The following LRRIQ4 variants were observed in gnomAD, a reference collection of about 807,000 sequenced individuals.
The protein encoded by LRRIQ4 is leucine rich repeats and IQ motif containing 4, also known as leucine-rich repeat and IQ domain-containing protein 4.
A neutral mutation model predicts 40.1 loss-of-function variants in LRRIQ4; 21 were observed. That is an observed-to-expected ratio of 0.52 (90% CI 0.37 to 0.75). The LOEUF is 0.75. LRRIQ4 is among the 30% of genes least tolerant of loss of function. LRRIQ4 has a pLI of 0.00. For missense variants in LRRIQ4, 655 were observed against 660.0 expected (o/e 0.99, Z 0.08); for synonymous variants, 277 against 277.1 (o/e 1.00, Z 0.00).
chr3:169,829,856 T>C (rs556429867), intron 3 of LRRIQ4, among the ~76,000 whole-genome samples: 1 of 152,326 alleles, frequency 6.6e-6, no homozygotes, highest in South Asian at 2.1e-4. Context: ...ACCCCAGTCA[T>C]GCAATGCCAT....
In LRRIQ4 at chr3:169,824,117, A is replaced by G. The variant is rs73176453; in HGVS notation, c.1020+1176A>G. 9.1e-3 allele frequency among the ~76,000 whole-genome samples: 1,385 copies of G among 152,316 alleles called. 36 individuals carry two copies. Among genetic ancestry groups the G allele is most frequent in the Admixed American group, 0.048 (742 of 15,300 alleles). On this transcript the variant is annotated intron_variant, in intron 2 of 5. Transcript: ENST00000340806. ...ACATACACACATATACACACAACACATATTTTATGGATATTTTTATATATA... is the reference window on the plus strand; with the variant it reads ...ACATACACACATATACACACAACACGTATTTTATGGATATTTTTATATATA...
intron 5 of LRRIQ4, among the ~76,000 whole-genome samples, chr3:169,833,835 C>T (rs1037786730): frequency 6.6e-5 from 10 of 152,156 alleles, no homozygotes; most frequent in Non-Finnish European, 1.3e-4. Context: ...ATTGGCAATC[C>T]TCCATTACAC....
chr3:169,826,798 G>A lies in LRRIQ4; in HGVS notation c.1021-1961G>A, dbSNP rs892178953. Among the ~76,000 whole-genome samples, 4 of 152,304 alleles carry A rather than the reference G, an allele frequency of 2.6e-5. No homozygotes were observed. The South Asian group carries it at 8.3e-4, about 32-fold the overall frequency. ...GATGAAGAATTTTGAAATAGCCAAA[G>A]AGGAAAGCTTAAACATCAGTTTCTC... On this transcript the variant is annotated intron_variant, in intron 2 of 5. Transcript: ENST00000340806.
intron 1 of LRRIQ4, 114 bp from the exon 2 acceptor site, chr3:169,821,777 A>G: frequency 3.7e-6 from 2 of 536,172 alleles, no homozygotes; most frequent in Non-Finnish European, 6.0e-6. Flanking sequence ...ATGTTCTGTC[A>G]TAATTTCAAG....
intron 5 of LRRIQ4, 95 bp from the exon 6 acceptor site, chr3:169,837,384 G>A (rs1273881390): frequency 7.5e-6 from 10 of 1,335,890 alleles, no homozygotes; most frequent in South Asian, 2.9e-5. Context: ...TTCTCTCCAC[G>A]TCTTCAAGAC....
chr3:169,829,337 G>T (rs1194786058), intron 3 of LRRIQ4, among the ~76,000 whole-genome samples: 1 of 152,192 alleles, frequency 6.6e-6, no homozygotes, highest in African/African-American at 2.4e-5. Flanking sequence ...GTAAGGGGAA[G>T]TGTGACCTCT....
In LRRIQ4 at chr3:169,833,181, A is replaced by G. The variant is rs971994292; in HGVS notation, c.1528A>G (p.Lys510Glu). 8 of 1,611,602 alleles carry G rather than the reference A, an allele frequency of 5.0e-6. No individual in the cohort carries two copies. Among genetic ancestry groups the G allele is most frequent in the Non-Finnish European group, 6.8e-6 (8 of 1,178,786 alleles). ...ENRNRNIMAT[K>E]IQAWWRGTMV... ...CAGAAACAGGAATATAATGGCAACA[A>G]AGGTAAAATCAGCCCAGATTCTTGA... The change falls in exon 5 of 6, where the codon AAG (lysine) becomes GAG (glutamate). Residue 510 changes from lysine to glutamate, a missense_variant and splice_region_variant. Physicochemically the swap from Lys to Glu is moderately conservative, Grantham distance 56 (BLOSUM62 1). Coordinates refer to ENST00000340806, the MANE Select transcript of LRRIQ4 (RefSeq NM_001080460.3).
rs149888477 is a variant in LRRIQ4 at position 169,835,364 on chromosome 3, C to CTGTGTGTGTGTGTGTGTG, written c.1531-2101_1531-2084dup. On this transcript the variant is annotated intron_variant, in intron 5 of 5. Transcript: ENST00000340806. ...CACTTGTACTTTGAATTGTCTTTTT[C>CTGTGTGTGTGTGTGTGTG]TGTGTGTGTGTGTGTGTGTGTGTGT... Among the ~76,000 whole-genome samples, 72 of 146,504 alleles carry CTGTGTGTGTGTGTGTGTG rather than the reference C, an allele frequency of 4.9e-4. No homozygotes were observed. In the Middle Eastern group the frequency reaches 0.011, roughly 21 times the overall value.
chr3:169,822,965 C>A, intron 2 of LRRIQ4, 24 bp downstream of exon 2: 1 of 1,491,440 alleles, frequency 6.7e-7, no homozygotes, highest in South Asian at 1.4e-5. Context: ...TTCTGGCTGT[C>A]ACTATGCTCT....
At chr3:169,830,410 TG>T in intron 3 of LRRIQ4, 81 bp from the exon 4 acceptor site, 6 of 117,240 alleles carry the variant, frequency 5.1e-5, no homozygotes, top group East Asian at 3.9e-4. Flanking sequence ...AAAAAAAAAA[TG>T]CATGAGCACC....
At chr3:169,832,920 G>A in intron 4 of LRRIQ4, 67 bp from the exon 5 acceptor site, 1 of 1,386,192 alleles carries the variant, frequency 7.2e-7, no homozygotes, top group Non-Finnish European at 1.0e-6. Context: ...TATGTGGACA[G>A]GATTAGGTGA....
Position 169,829,595 on chromosome 3 carries a change from G to A in LRRIQ4, c.1194+663G>A, listed in dbSNP as rs1024136296. On this transcript the variant is annotated intron_variant, in intron 3 of 5. Coordinates refer to ENST00000340806, the MANE Select transcript of LRRIQ4 (RefSeq NM_001080460.3). ...TGGCTCACTGCAACCTCCACCTCCC[G>A]GGTTCAAGCGATTCTCCTGCCTCAG... Among the ~76,000 whole-genome samples, 39 of 150,992 alleles carry A rather than the reference G, an allele frequency of 2.6e-4. 1 individual carries two copies. The Admixed American group carries it at 2.6e-3, about 10-fold the overall frequency.
chr3:169,816,198 C>T (rs1779765373), intron 1 of LRRIQ4, among the ~76,000 whole-genome samples: 1 of 152,072 alleles, frequency 6.6e-6, no homozygotes, highest in Non-Finnish European at 1.5e-5. Context: ...AGTAGTTTTT[C>T]CTCCTCTATT....
intron 4 of LRRIQ4, among the ~76,000 whole-genome samples, chr3:169,832,674 AG>A (rs1780208603): frequency 6.6e-6 from 1 of 150,382 alleles, no homozygotes; most frequent in African/African-American, 2.4e-5. Flanking sequence ...TGCTGACCTT[AG>A]GAACAGCAGG....
intron 1 of LRRIQ4, among the ~76,000 whole-genome samples, chr3:169,819,162 A>G (rs1191188222): frequency 6.6e-6 from 1 of 152,246 alleles, no homozygotes; most frequent in African/African-American, 2.4e-5. Flanking sequence ...TAGAGAAAAA[A>G]TGGCCAATAA....
chr3:169,835,385 T>C (rs1780282667), intron 5 of LRRIQ4, among the ~76,000 whole-genome samples: 1 of 151,942 alleles, frequency 6.6e-6, no homozygotes. Flanking sequence ...TGTGTGTGTG[T>C]GTGTGTGTGT....
In LRRIQ4 at chr3:169,837,152, G is replaced by A. The variant is rs901068459; in HGVS notation, c.1531-327G>A. On this transcript the variant is annotated intron_variant, in intron 5 of 5. Transcript: ENST00000340806. ...GTCACTCTCCATAGCACTCATCACC[G>A]TCTGACAAATTGAACATTCATGTGT... Among the ~76,000 whole-genome samples, 5 of 152,308 alleles carry A rather than the reference G, an allele frequency of 3.3e-5. No homozygotes were observed. The South Asian group carries it at 6.2e-4, about 19-fold the overall frequency.
chr3:169,832,865 C>G (rs1780212651), intron 4 of LRRIQ4, 122 bp from the exon 5 acceptor site: 3 of 803,856 alleles, frequency 3.7e-6, no homozygotes, highest in Non-Finnish European at 5.9e-6. Context: ...TCTTGTGCAT[C>G]CTTCCTCTCA....
chr3:169,814,479 G>GTGTTTGTT (rs140306978), intron 1 of LRRIQ4, among the ~76,000 whole-genome samples: 18 of 148,010 alleles, frequency 1.2e-4, no homozygotes, highest in African/African-American at 3.4e-4. Flanking sequence ...GGGTCTTGGG[G>GTGTTTGTT]TGTTTGTTTG....
Sources: gnomAD v4.1 joint callset for allele counts (sites outside exome capture counted in the v4.1 genomes callset) on GRCh38, gnomAD v4.1.1 for gene constraint, MANE v1.5 for transcripts, NCBI Gene and HGNC (gene_info 2026-07-23, HGNC 2026-07-21) for gene names.